FAXDC2: variants seen among roughly 807,000 people sequenced by gnomAD.
FAXDC2 encodes the protein fatty acid hydroxylase domain containing 2.
A neutral mutation model predicts 40.9 loss-of-function variants in FAXDC2; 41 were observed. The ratio of observed to expected loss-of-function variants is 1.00; its 90% CI spans 0.78 to 1.30. The LOEUF (loss-of-function observed/expected upper bound fraction) is 1.30, where lower values mean the gene tolerates loss of function less well. Ranked by LOEUF, FAXDC2 falls within the 50% of genes most tolerant of loss-of-function variation. The probability of loss-of-function intolerance (pLI) is 0.00; values close to 1 mark genes in which losing one functional copy is unlikely to be tolerated. For missense variants in FAXDC2, 390 were observed against 408.8 expected (o/e 0.95, Z 0.40); for synonymous variants, 157 against 149.3 (o/e 1.05, Z -0.38).
In FAXDC2 at chr5:154,824,515, CTT is replaced by C. The variant is rs576273351; in HGVS notation, c.367-925_367-924del. 1,424 of 702,566 alleles carry C rather than the reference CTT, an allele frequency of 2.0e-3. 3 individuals are homozygous for C. Among genetic ancestry groups the C allele is most frequent in the Non-Finnish European group, 2.9e-3 (1,105 of 384,986 alleles). The allele number at this position is 702,566 out of a possible 1,614,324, so 43.5% of individuals were successfully genotyped here. ...GCATTAACTGATTTCAGAATTCACT[CTT>C]TGTTTACTTCCATCCCATTGCGAGG... On this transcript the variant is annotated intron_variant, in intron 5 of 8. Coordinates refer to ENST00000326080, the MANE Select transcript of FAXDC2 (RefSeq NM_032385.5).
chr5:154,832,298 C>T, intron 4 of FAXDC2, among the ~76,000 whole-genome samples: 1 of 150,906 alleles, frequency 6.6e-6, no homozygotes, highest in East Asian at 2.0e-4. Context: ...GCTGCAAGAT[C>T]TGCCTCCCGG....
chr5:154,824,448 C>T (rs533616179), intron 5 of FAXDC2: 16 of 702,184 alleles, frequency 2.3e-5, no homozygotes, highest in South Asian at 5.9e-5. Context: ...TGGTCCCCAG[C>T]TTGAGGCCTG....
At chr5:154,825,058 T>TGAA (rs1759986726) in intron 5 of FAXDC2, among the ~76,000 whole-genome samples, 1 of 90,164 alleles carries the variant, frequency 1.1e-5, no homozygotes, top group African/African-American at 4.5e-5. Context: ...CCAATCTTGT[T>TGAA]AAAAAAAAAA....
intron 4 of FAXDC2, among the ~76,000 whole-genome samples, chr5:154,833,424 C>A: frequency 6.6e-6 from 1 of 151,510 alleles, no homozygotes; most frequent in Admixed American, 6.6e-5. Context: ...CGGCTCACTG[C>A]AACCTCTGCC....
In FAXDC2 at chr5:154,838,132, T is replaced by G. The variant is rs781490861; in HGVS notation, c.47A>C (p.Gln16Pro). 2 of 1,611,016 alleles carry G rather than the reference T, an allele frequency of 1.2e-6. No individual in the cohort carries two copies. Among genetic ancestry groups the G allele is most frequent in the Non-Finnish European group, 1.7e-6 (2 of 1,177,302 alleles). The change falls in exon 2 of 9, where the codon CAG becomes CCG. Residue 16 changes from glutamine (Q) to proline (P), a missense_variant and splice_region_variant. Physicochemically the swap from Gln to Pro is moderately conservative, Grantham distance 76. Transcript: ENST00000326080. ...TGGGGGCAAGGTGCTGGCATTTACC[T>G]GCTTTGACTTTTCATTGTGTAGCAT... The part of the protein sequence containing the change: ...GHMLHNEKSK[Q>P]EGHIWGSMRR...
At chr5:154,833,497 C>T (rs113845598) in intron 4 of FAXDC2, among the ~76,000 whole-genome samples, 2,729 of 151,832 alleles carry the variant, frequency 0.018, 77 homozygotes, top group African/African-American at 0.063. Context: ...AGGCACGCAC[C>T]ACCACACCCA....
intron 5 of FAXDC2, chr5:154,824,299 C>T: frequency 1.7e-6 from 1 of 593,086 alleles, no homozygotes; most frequent in South Asian, 2.0e-5. Flanking sequence ...TTTGTCAGAG[C>T]ACTGGGGCTC....
At chr5:154,824,053 G>A in intron 5 of FAXDC2, 1 of 220,878 alleles carries the variant, frequency 4.5e-6, no homozygotes, top group Non-Finnish European at 9.1e-6. Flanking sequence ...CTCCTCAAGT[G>A]GTCCAGCCTC....
rs1760168903 is a variant in FAXDC2 at position 154,830,803 on chromosome 5, G to A, written c.364C>T (p.Pro122Ser). The A allele has an allele frequency of 1.2e-6, 2 of 1,614,104 alleles. No individual in the cohort carries two copies. Among genetic ancestry groups the A allele is most frequent in the Non-Finnish European group, 1.7e-6 (2 of 1,179,980 alleles). Reference sequence around the variant, plus strand: ...CCAGAAGTTGCAACAACACTTACAGGTTCATTCTTGCCGACCTGAATTCGG... The same window carrying A: ...CCAGAAGTTGCAACAACACTTACAGATTCATTCTTGCCGACCTGAATTCGG... ...RYRIQVGKNE[P>S]VDPVKLRQSI... The change falls in exon 5 of 9, where the codon CCT becomes TCT. Residue 122 changes from proline to serine, a missense_variant and splice_region_variant. Physicochemically the swap from Pro to Ser is moderately conservative, Grantham distance 74 (BLOSUM62 -1). Transcript: ENST00000326080.
intron 5 of FAXDC2, chr5:154,824,824 C>T (rs1759980980): frequency 5.3e-6 from 2 of 374,810 alleles, no homozygotes; most frequent in Non-Finnish European, 9.9e-6. Context: ...CACGGTGGCT[C>T]ACACCTGTAA....
chr5:154,820,263 C>T lies in FAXDC2; in HGVS notation c.*53G>A, dbSNP rs1759847802. The T allele has an allele frequency of 6.9e-6, 10 of 1,452,564 alleles. No homozygotes were observed. The highest frequency in any genetic ancestry group is 2.1e-5 in the Admixed American group (1 of 47,690). 90.0% of individuals were successfully genotyped at this position (1,452,564 alleles called of 1,614,324 possible). A position where few individuals can be genotyped will look rare whatever the true frequency, so the allele number is the denominator to read the frequency against. ...AAATTGTTAGGTGCAATCAGGAAGC[C>T]GTGTCTGCATCCCATGGCTGAGGGA... On this transcript the variant is annotated 3_prime_UTR_variant, in exon 9 of 9. Coordinates refer to ENST00000326080, the MANE Select transcript of FAXDC2 (RefSeq NM_032385.5).
intron 5 of FAXDC2, among the ~76,000 whole-genome samples, chr5:154,828,735 T>G (rs1760108008): frequency 6.6e-6 from 1 of 151,354 alleles, no homozygotes. Context: ...TAGCTGAGAC[T>G]ACAGACACAC....
chr5:154,835,730 G>A (rs1328497737), intron 2 of FAXDC2, among the ~76,000 whole-genome samples: 2 of 151,470 alleles, frequency 1.3e-5, no homozygotes, highest in South Asian at 2.1e-4. Flanking sequence ...ACAGGAGCCC[G>A]CCACCACACC....
intron 5 of FAXDC2, among the ~76,000 whole-genome samples, chr5:154,829,119 C>T (rs975389212): frequency 4.6e-5 from 7 of 152,080 alleles, no homozygotes; most frequent in Admixed American, 1.3e-4. Flanking sequence ...TCTTGAACTC[C>T]GGAGCTCAAG....
Position 154,830,926 on chromosome 5 carries a change from A to T in FAXDC2, c.245-4T>A, listed in dbSNP as rs755307338. Reference sequence around the variant, plus strand: ...AGACAAGGCACTTGGATGGCACCTGAGATTGGGAAACAGAAACAGTCAGGG... The same window carrying T: ...AGACAAGGCACTTGGATGGCACCTGTGATTGGGAAACAGAAACAGTCAGGG... On this transcript the variant is annotated splice_region_variant and splice_polypyrimidine_tract_variant and intron_variant, in intron 4 of 8. Transcript: ENST00000326080. 1 of 1,613,522 alleles carries T rather than the reference A, an allele frequency of 6.2e-7. No individual in the cohort carries two copies. Among genetic ancestry groups the T allele is most frequent in the Non-Finnish European group, 8.5e-7 (1 of 1,179,528 alleles).
At chr5:154,830,952 C>T (rs776217047) in intron 4 of FAXDC2, 30 bp from the exon 5 acceptor site, 46 of 1,610,732 alleles carry the variant, frequency 2.9e-5, no homozygotes, top group African/African-American at 2.1e-4. Flanking sequence ...ACAGTCAGGG[C>T]GACTTTGGGT....
At chr5:154,822,417 G>T in intron 7 of FAXDC2, 55 bp downstream of exon 7, 1 of 1,263,880 alleles carries the variant, frequency 7.9e-7, no homozygotes. Context: ...AGACCTTCAG[G>T]AAGGTGGTTG....
chr5:154,834,095 AATT>A (rs1205769640), intron 4 of FAXDC2, among the ~76,000 whole-genome samples: 72 of 149,186 alleles, frequency 4.8e-4, no homozygotes, highest in African/African-American at 1.7e-3. Context: ...AATTGTATAT[AATT>A]ATTATTTGAG....
intron 1 of FAXDC2, among the ~76,000 whole-genome samples, chr5:154,849,275 A>T (rs1217551556): frequency 1.3e-5 from 2 of 152,154 alleles, no homozygotes; most frequent in Non-Finnish European, 1.5e-5. Flanking sequence ...ACGAGATTCC[A>T]TCTCAAAAAA....
Sources: allele counts gnomAD v4.1 joint callset (sites outside exome capture counted in the v4.1 genomes callset), GRCh38; gene constraint gnomAD v4.1.1; transcripts MANE v1.5; gene names NCBI Gene and HGNC (gene_info 2026-07-23, HGNC 2026-07-21).